The following SLC26A5 variants were observed in gnomAD, a reference collection of about 807,000 sequenced individuals.
SLC26A5 encodes the protein solute carrier family 26 member 5.
In SLC26A5, 51 loss-of-function variants were observed where a neutral mutation model predicts 81.0. The observed-to-expected ratio is 0.63, with a 90% CI of 0.50 to 0.80. The LOEUF (loss-of-function observed/expected upper bound fraction) is 0.80. Ranked by LOEUF, SLC26A5 falls within the 30% of genes least tolerant of loss-of-function variation. The pLI is 0.00. For missense variants in SLC26A5, 771 were observed against 905.8 expected, an observed-to-expected ratio of 0.85 and a Z score of 1.91; for synonymous variants, 325 against 332.8, an observed-to-expected ratio of 0.98 and a Z score of 0.25.
chr7:103,421,035 TA>T lies in SLC26A5; in HGVS notation c.153-159del, dbSNP rs1586352394. ...TGCCAAACAGGGTAGGAGTCAGGGA[TA>T]GGGAAAAAAAGAGAGTGGGTGGAAT... On this transcript the variant is annotated intron_variant, in intron 3 of 19. Transcript: ENST00000306312. Among the ~76,000 whole-genome samples, 3 of 151,720 alleles carry T rather than the reference TA, an allele frequency of 2.0e-5. No homozygotes were observed. The East Asian group carries it at 5.8e-4, about 29-fold the overall frequency.
At chr7:103,430,593 AGAGGAT>A (rs1382266732) in intron 2 of SLC26A5, among the ~76,000 whole-genome samples, 2 of 69,122 alleles carry the variant, frequency 2.9e-5, no homozygotes, top group Non-Finnish European at 4.7e-5. Context: ...GCTGTTCCAG[AGAGGAT>A]GGCTTTGGAG....
chr7:103,440,762 C>G (rs1393643142), intron 2 of SLC26A5, among the ~76,000 whole-genome samples: 1 of 152,182 alleles, frequency 6.6e-6, no homozygotes, highest in African/African-American at 2.4e-5. Context: ...TTTTGTAGGT[C>G]TGCATTGGAT....
chr7:103,402,714 T>TA (rs1823704726), intron 8 of SLC26A5, among the ~76,000 whole-genome samples: 1 of 152,184 alleles, frequency 6.6e-6, no homozygotes, highest in Non-Finnish European at 1.5e-5. Context: ...TTTGTATTTC[T>TA]GTGGGAGCAG....
At chr7:103,397,433 C>T (rs188669802) in intron 9 of SLC26A5, among the ~76,000 whole-genome samples, 2,411 of 148,846 alleles carry the variant, frequency 0.016, 59 homozygotes, top group African/African-American at 0.058. Flanking sequence ...CCCAGCTGCT[C>T]GGGAGGCTGA....
At chr7:103,361,456 G>A (rs933488770) in intron 19 of SLC26A5, among the ~76,000 whole-genome samples, 4 of 136,958 alleles carry the variant, frequency 2.9e-5, no homozygotes, top group East Asian at 4.4e-4. Flanking sequence ...GTTGCAGTGA[G>A]CCAAGATCAC....
In SLC26A5 at chr7:103,408,084, C is replaced by A. The variant is rs146225205; in HGVS notation, c.736-81G>T. 1,120 of 1,556,258 alleles carry A rather than the reference C, an allele frequency of 7.2e-4. 1 individual carries two copies. Among genetic ancestry groups the A allele is most frequent in the Admixed American group, 1.0e-3 (62 of 59,674 alleles). ...AGAGACACTCTAGCGCACTAATTCA[C>A]ACCAGCCATTCCGTTATTGGATATT... is the stretch of plus-strand genomic sequence containing the variant. On this transcript the variant is annotated intron_variant, in intron 7 of 19. Transcript: ENST00000306312.
At chr7:103,432,835 C>T (rs1412774919) in intron 2 of SLC26A5, among the ~76,000 whole-genome samples, 1 of 152,026 alleles carries the variant, frequency 6.6e-6, no homozygotes, top group African/African-American at 2.4e-5. Flanking sequence ...TAGACACTTT[C>T]ATGTCTACTC....
chr7:103,359,459 A>G (rs1036546632), intron 19 of SLC26A5, among the ~76,000 whole-genome samples: 4 of 152,034 alleles, frequency 2.6e-5, no homozygotes, highest in Non-Finnish European at 5.9e-5. Context: ...TGTCACCCCA[A>G]AAACAAACCC....
intron 8 of SLC26A5, 147 bp downstream of exon 8, chr7:103,407,704 A>G: frequency 5.8e-6 from 5 of 856,078 alleles, no homozygotes; most frequent in Non-Finnish European, 9.1e-6. Context: ...CTTTCTTGTC[A>G]ATGAATTTGT....
intron 19 of SLC26A5, chr7:103,366,008 A>G (rs1406540556): frequency 3.2e-6 from 4 of 1,260,366 alleles, no homozygotes; most frequent in African/African-American, 1.5e-5. Context: ...AGTTTGAAGC[A>G]TAACTTTTTA....
At chr7:103,364,582 C>A (rs748116177) in intron 19 of SLC26A5, among the ~76,000 whole-genome samples, 5 of 151,996 alleles carry the variant, frequency 3.3e-5, no homozygotes, top group Non-Finnish European at 5.9e-5. Flanking sequence ...GCTAATTTTT[C>A]TATTTTTTGT....
chr7:103,429,854 A>C (rs1344650207), intron 2 of SLC26A5, among the ~76,000 whole-genome samples: 3 of 152,216 alleles, frequency 2.0e-5, no homozygotes, highest in Non-Finnish European at 4.4e-5. Flanking sequence ...AGGTTGCCAT[A>C]GCATGTAGTC....
chr7:103,421,271 A>C lies in SLC26A5; in HGVS notation c.152+92T>G. ...TGGCTCAGCATTCATTTTTCTCTCC[A>C]CTTCACCAAACAGATTTTCTTTACA... On this transcript the variant is annotated intron_variant, in intron 3 of 19. Coordinates refer to ENST00000306312, the MANE Select transcript of SLC26A5 (RefSeq NM_198999.3). 4 of 1,410,386 alleles carry C rather than the reference A, an allele frequency of 2.8e-6. No individual in the cohort carries two copies. The South Asian group carries it at 3.6e-5, about 13-fold the overall frequency. 87.4% of individuals were successfully genotyped at this position (1,410,386 alleles called of 1,614,324 possible).
intron 19 of SLC26A5, chr7:103,364,120 T>C (rs1205288560): frequency 6.2e-7 from 1 of 1,608,208 alleles, no homozygotes; most frequent in East Asian, 2.2e-5. Context: ...GTGGTAAGTG[T>C]GAAAATTGTG....
chr7:103,431,069 T>G lies in SLC26A5; in HGVS notation c.-53-9502A>C, dbSNP rs145620890. Among the ~76,000 whole-genome samples, 838 of 152,318 alleles carry G rather than the reference T, an allele frequency of 5.5e-3. 7 individuals are homozygous for G. Among genetic ancestry groups the G allele is most frequent in the African/African-American group, 0.019 (804 of 41,570 alleles). ...GCTCATAAGATATGCCTTTAGAATT[T>G]TCTTTGAGGTAAAAAGCTCAGTAAT... On this transcript the variant is annotated intron_variant, in intron 2 of 19. Transcript: ENST00000306312.
chr7:103,398,725 T>G (rs2116546311), intron 8 of SLC26A5, among the ~76,000 whole-genome samples: 1 of 152,170 alleles, frequency 6.6e-6, no homozygotes, highest in Non-Finnish European at 1.5e-5. Context: ...GCTTTCTGAG[T>G]GAGTTACCCA....
chr7:103,383,469 A>C (rs993109948), intron 14 of SLC26A5, among the ~76,000 whole-genome samples: 3 of 152,160 alleles, frequency 2.0e-5, no homozygotes, highest in Admixed American at 1.3e-4. Flanking sequence ...CATTTCTGCA[A>C]GTCTAAATAC....
intron 9 of SLC26A5, among the ~76,000 whole-genome samples, chr7:103,395,519 AT>A (rs1341047577): frequency 0.15 from 1,529 of 9,926 alleles, 12 homozygotes; most frequent in Middle Eastern, 0.25. Context: ...ATATATATAT[AT>A]AAATTTTTTT....
intron 19 of SLC26A5, among the ~76,000 whole-genome samples, chr7:103,359,349 A>G (rs1472909828): frequency 6.6e-6 from 1 of 151,796 alleles, no homozygotes; most frequent in East Asian, 1.9e-4. Flanking sequence ...TTCAGATATC[A>G]TGAGGTTCAC....
Sources: allele counts gnomAD v4.1 joint callset (sites outside exome capture counted in the v4.1 genomes callset), GRCh38; gene constraint gnomAD v4.1.1; transcripts MANE v1.5; gene names NCBI Gene and HGNC (gene_info 2026-07-23, HGNC 2026-07-21).